Variants in PDE6B observed in about 807,000 individuals in gnomAD.
PDE6B encodes rod cGMP-specific 3',5'-cyclic phosphodiesterase subunit beta.
PDE6B carries 106 observed loss-of-function variants against 109.0 expected under a neutral mutation model. That is an observed-to-expected ratio of 0.97 (90% CI 0.83 to 1.14). The LOEUF (loss-of-function observed/expected upper bound fraction) is 1.14, where lower values mean the gene tolerates loss of function less well. Among genes scored for constraint, PDE6B ranks in the 50% most tolerant of loss-of-function variants. The pLI is 0.00. For missense variants in PDE6B, 1,193 were observed against 1,155.6 expected, an observed-to-expected ratio of 1.03 and a Z score of -0.47; for synonymous variants, 490 against 471.3, an observed-to-expected ratio of 1.04 and a Z score of -0.51.
At position 629,613 on chromosome 4, in the gene PDE6B, G is replaced by C. The variant is rs1046610779; in HGVS notation, c.468+3519G>C. ...CCCCTGCCCCAAAACACCTCATCAC[G>C]GGGTCCTGCACGTCGCCAGCAGTCA... On this transcript the variant is annotated intron_variant, in intron 1 of 21. Coordinates refer to ENST00000496514, the MANE Select transcript of PDE6B (RefSeq NM_000283.4). Among the ~76,000 whole-genome samples the C allele has an allele frequency of 3.9e-5, 6 of 152,216 alleles. No individual in the cohort carries two copies. The East Asian group carries it at 1.2e-3, about 29-fold the overall frequency.
chr4:632,414 G>C (rs1560102677), intron 1 of PDE6B, among the ~76,000 whole-genome samples: 1 of 151,800 alleles, frequency 6.6e-6, no homozygotes, highest in East Asian at 2.0e-4. Flanking sequence ...AGGGTTATGA[G>C]GGTCACATTG....
rs1195966891 is a variant in PDE6B, at chr4:625,620, A to G, written c.-7A>G. The G allele has an allele frequency of 1.3e-6, 2 of 1,598,456 alleles. No individual in the cohort carries two copies. Among genetic ancestry groups the G allele is most frequent in the African/African-American group, 2.7e-5 (2 of 74,558 alleles). The stretch of plus-strand genomic sequence containing the variant: ...AGCAGCAGCGTCTCCAGGGACAGGC[A>G]GCCACCATGAGCCTCAGTGAGGAGC... On this transcript the variant is annotated 5_prime_UTR_variant, in exon 1 of 22. Coordinates refer to ENST00000496514, the MANE Select transcript of PDE6B (RefSeq NM_000283.4). The surrounding 1 kb of genome is among the most constrained non-coding windows in gnomAD (Gnocchi z 5.0).
In PDE6B at chr4:663,239, C is replaced by T. The variant is rs774949460; in HGVS notation, c.1920+52C>T. On this transcript the variant is annotated intron_variant, in intron 15 of 21. Transcript: ENST00000496514. This position sits in a 1 kb window ranked among gnomAD's most constrained non-coding sequence, Gnocchi z 4.0. ...CTGTGGGCGCTGGGGACGCAGCGTC[C>T]GCAGGACGGCAGGGCCGTATCCTGC... 11 of 1,026,078 alleles carry T rather than the reference C, an allele frequency of 1.1e-5. No homozygotes were observed. The highest frequency in any genetic ancestry group is 6.3e-5 in the South Asian group (5 of 79,312). 63.6% of individuals were successfully genotyped at this position (1,026,078 alleles called of 1,614,324 possible). A position where few individuals can be genotyped will look rare whatever the true frequency, so the allele number is the denominator to read the frequency against.
At position 664,304 on chromosome 4, in the gene PDE6B, T is replaced by G. The variant is rs1055176722; in HGVS notation, c.2129+83T>G. On this transcript the variant is annotated intron_variant, in intron 17 of 21. Coordinates refer to ENST00000496514, the MANE Select transcript of PDE6B (RefSeq NM_000283.4). ...CACCAGCTGGTTAACCCTGCAGCCC[T>G]CCCCAGACGCTCTGGAGCAGGAAGA... 6.3e-6 allele frequency: 5 copies of G among 799,952 alleles called. No individual in the cohort carries two copies. The East Asian group carries it at 1.2e-4, about 20-fold the overall frequency. 49.6% of individuals were successfully genotyped at this position (799,952 alleles called of 1,614,324 possible). A position where few individuals can be genotyped will look rare whatever the true frequency, so the allele number is the denominator to read the frequency against.
chr4:641,827 A>G (rs1734961404), intron 3 of PDE6B, among the ~76,000 whole-genome samples: 1 of 151,970 alleles, frequency 6.6e-6, no homozygotes, highest in South Asian at 2.1e-4. Flanking sequence ...TTGTATTTTT[A>G]GTAGAGATGG....
At position 626,005 on chromosome 4, in the gene PDE6B, G is replaced by T. The variant is rs766141814; in HGVS notation, c.379G>T (p.Asp127Tyr). ...SVLEDCLVPP[D>Y]SEIVFPLDIG... ...CCTGGAGGACTGCCTGGTGCCCCCC[G>T]ACTCCGAGATCGTCTTCCCACTGGA... Residue 127 changes from aspartate to tyrosine, a missense_variant, in exon 1 of 22, where the codon GAC becomes TAC. Coordinates refer to ENST00000496514, the MANE Select transcript of PDE6B (RefSeq NM_000283.4). This position sits in a 1 kb window ranked among gnomAD's most constrained non-coding sequence, Gnocchi z 4.6. 1 of 1,587,010 alleles carries T rather than the reference G, an allele frequency of 6.3e-7. No homozygotes were observed. Among genetic ancestry groups the T allele is most frequent in the South Asian group, 1.1e-5 (1 of 87,558 alleles).
rs555240417 is a variant in PDE6B at position 648,500 on chromosome 4, T to C, written c.712-5352T>C. ...GTGGAAGGAAAGCTGGTCACTGGGATTGAAGCAGCCTCTGGGCGCTCCCCC... is the reference window on the plus strand; with the variant it reads ...GTGGAAGGAAAGCTGGTCACTGGGACTGAAGCAGCCTCTGGGCGCTCCCCC... On this transcript the variant is annotated intron_variant, in intron 3 of 21. Transcript: ENST00000496514. The surrounding 1 kb of genome is among the most constrained non-coding windows in gnomAD (Gnocchi z 4.5). Among the ~76,000 whole-genome samples the C allele has an allele frequency of 5.9e-5, 9 of 152,294 alleles. No homozygotes were observed. In the East Asian group the frequency reaches 1.7e-3, roughly 29 times the overall value.
chr4:667,528 C>T (rs1047879426), intron 20 of PDE6B, among the ~76,000 whole-genome samples: 3 of 152,148 alleles, frequency 2.0e-5, no homozygotes, highest in African/African-American at 7.2e-5. Flanking sequence ...ACTGCAGGGG[C>T]TGCCTGCTGT....
intron 3 of PDE6B, among the ~76,000 whole-genome samples, chr4:642,707 GGAC>G (rs1334088940): frequency 8.2e-6 from 1 of 121,382 alleles, no homozygotes; most frequent in African/African-American, 3.7e-5. Flanking sequence ...ACTCCAACCT[GGAC>G]AACAGACACT....
At chr4:649,376 T>C (rs891745094) in intron 3 of PDE6B, among the ~76,000 whole-genome samples, 2 of 151,826 alleles carry the variant, frequency 1.3e-5, no homozygotes, top group African/African-American at 2.4e-5. Context: ...GGACACACAC[T>C]AGATTTGTCA....
rs368029189 is a variant in PDE6B at position 626,559 on chromosome 4, G to C, written c.468+465G>C. 4.7e-3 allele frequency among the ~76,000 whole-genome samples: 721 copies of C among 152,346 alleles called. 5 individuals are homozygous for C. Among genetic ancestry groups the C allele is most frequent in the African/African-American group, 0.016 (675 of 41,582 alleles). ...GTCGAAGGTGGTGCAGACGCCCACA[G>C]GGAGGGAGAGCCAGGGGAACCCCAA... On this transcript the variant is annotated intron_variant, in intron 1 of 21. Transcript: ENST00000496514. This position sits in a 1 kb window ranked among gnomAD's most constrained non-coding sequence, Gnocchi z 4.6.
Position 655,968 on chromosome 4 carries a change from G to A in PDE6B, c.1021G>A (p.Ala341Thr), listed in dbSNP as rs767066999. The A allele has an allele frequency of 1.2e-5, 20 of 1,611,422 alleles. No homozygotes were observed. The highest frequency in any genetic ancestry group is 1.7e-5 in the Non-Finnish European group (20 of 1,177,880). The change falls in exon 7 of 22, where the codon GCC (alanine) becomes ACC (threonine). Residue 341 changes from alanine (A) to threonine (T), a missense_variant. By Grantham distance (58) the Ala-to-Thr change is moderately conservative. Transcript: ENST00000496514. The part of the protein sequence containing the change: ...PTPSADHWAL[A>T]SGLPSYVAES... Reference sequence around the variant, plus strand: ...ACCCTCAGCCGATCACTGGGCCCTGGCCAGCGGCCTTCCAAGCTACGTGGC... The same window carrying A: ...ACCCTCAGCCGATCACTGGGCCCTGACCAGCGGCCTTCCAAGCTACGTGGC...
rs114160478 is a variant in PDE6B, at chr4:649,679, A to G, written c.712-4173A>G. 4.7e-5 allele frequency among the ~76,000 whole-genome samples: 7 copies of G among 148,806 alleles called. No homozygotes were observed. In the East Asian group the frequency reaches 8.1e-4, roughly 17 times the overall value. ...AAGACTGTTCGCTGGTGGACCCACA[A>G]AGGCCTGGGGTTGGGACCGCGTAGG... On this transcript the variant is annotated intron_variant, in intron 3 of 21. Transcript: ENST00000496514.
At position 654,155 on chromosome 4, in the gene PDE6B, G is replaced by A; in HGVS notation, c.927+1G>A. 6.2e-7 allele frequency: 1 copy of A among 1,612,938 alleles called. No homozygotes were observed. The highest frequency in any genetic ancestry group is 8.5e-7 in the Non-Finnish European group (1 of 1,179,368). On this transcript the variant is annotated splice_donor_variant, in intron 5 of 21. Transcript: ENST00000496514. LOFTEE classifies it high-confidence loss of function. ...GGGCCCACGCACGCCTGATGGCCGG[G>A]TGAGTCTTAGGGGAGGGGCCCAGGG...
chr4:652,968 CAAACCCCATAAAACAT>C (rs1453115121), intron 3 of PDE6B: 1 of 157,936 alleles, frequency 6.3e-6, no homozygotes, highest in Non-Finnish European at 1.4e-5. Flanking sequence ...AACATCACGC[CAAACCCCATAAAACAT>C]AAACCCCATC....
Position 626,340 on chromosome 4 carries a change from T to A in PDE6B, c.468+246T>A, listed in dbSNP as rs945692511. Reference sequence around the variant, plus strand: ...GGCCACTGAGTTGGTTAGACCTGAGTCTAGGAGCCTCGGCTGAAGCAGACT... The same window carrying A: ...GGCCACTGAGTTGGTTAGACCTGAGACTAGGAGCCTCGGCTGAAGCAGACT... On this transcript the variant is annotated intron_variant, in intron 1 of 21. Coordinates refer to ENST00000496514, the MANE Select transcript of PDE6B (RefSeq NM_000283.4). This position sits in a 1 kb window ranked among gnomAD's most constrained non-coding sequence, Gnocchi z 4.6. Among the ~76,000 whole-genome samples the A allele has an allele frequency of 2.6e-5, 4 of 152,150 alleles. No individual in the cohort carries two copies. The highest frequency in any genetic ancestry group is 5.9e-5 in the Non-Finnish European group (4 of 68,036).
Position 656,297 on chromosome 4 carries a change from CTGTCT to C in PDE6B, c.1107+6_1107+10del. On this transcript the variant is annotated splice_donor_region_variant and intron_variant, in intron 8 of 21. Coordinates refer to ENST00000496514, the MANE Select transcript of PDE6B (RefSeq NM_000283.4). Reference sequence around the variant, plus strand: ...GACGAAATGTTCAAATTTCAGGTATCTGTCTGTGCCTTGGTAGAAATTATACTTAC... The same window carrying C: ...GACGAAATGTTCAAATTTCAGGTATCGTGCCTTGGTAGAAATTATACTTAC... The C allele has an allele frequency of 6.6e-7, 1 of 1,511,232 alleles. No individual in the cohort carries two copies. The highest frequency in any genetic ancestry group is 9.2e-7 in the Non-Finnish European group (1 of 1,086,172). 93.6% of individuals were successfully genotyped at this position (1,511,232 alleles called of 1,614,324 possible).
At chr4:650,492 C>T (rs1333838168) in intron 3 of PDE6B, among the ~76,000 whole-genome samples, 6 of 152,220 alleles carry the variant, frequency 3.9e-5, no homozygotes, top group Admixed American at 3.9e-4. Context: ...AGGGATGCTG[C>T]CCAGGAAGAT....
Position 648,929 on chromosome 4 carries a change from T to G in PDE6B, c.712-4923T>G, listed in dbSNP as rs935370550. On this transcript the variant is annotated intron_variant, in intron 3 of 21. Coordinates refer to ENST00000496514, the MANE Select transcript of PDE6B (RefSeq NM_000283.4). The surrounding 1 kb of genome is among the most constrained non-coding windows in gnomAD (Gnocchi z 4.5). ...GGGGAGCCTTCTGTCTCTGCAGGTC[T>G]GACTCCTGCCTCCTGTGAGGAAGCA... 4.6e-5 allele frequency among the ~76,000 whole-genome samples: 7 copies of G among 152,346 alleles called. No homozygotes were observed. The South Asian group carries it at 1.4e-3, about 32-fold the overall frequency.
Sources: gnomAD v4.1 joint callset for allele counts (sites outside exome capture counted in the v4.1 genomes callset) on GRCh38, gnomAD v4.1.1 for gene constraint, Gnocchi (gnomAD v3.1) non-coding constraint, MANE v1.5 for transcripts, NCBI Gene and HGNC (gene_info 2026-07-23, HGNC 2026-07-21) for gene names.